Variants in PDE3A observed in about 807,000 individuals in gnomAD.
The protein encoded by PDE3A is phosphodiesterase 3A.
A neutral mutation model predicts 98.3 loss-of-function variants in PDE3A; 43 were observed. The ratio of observed to expected loss-of-function variants is 0.44; its 90% CI spans 0.34 to 0.56. The LOEUF is 0.56. PDE3A is among the 20% of genes least tolerant of loss of function. PDE3A has a pLI of 0.01. For synonymous variants in PDE3A, 663 were observed against 567.9 expected (o/e 1.17, Z -2.38); for missense variants, 1,427 against 1,440.7 (o/e 0.99, Z 0.15).
intron 1 of PDE3A, among the ~76,000 whole-genome samples, chr12:20,420,189 G>A (rs1944488559): frequency 1.3e-5 from 2 of 152,072 alleles, no homozygotes; most frequent in South Asian, 2.1e-4. Context: ...TTTCCAAAGG[G>A]CTTGGGTATC....
chr12:20,426,239 T>C (rs1944599698), intron 1 of PDE3A, among the ~76,000 whole-genome samples: 1 of 152,298 alleles, frequency 6.6e-6, no homozygotes, highest in Admixed American at 6.5e-5. Flanking sequence ...TGCTTGTTAC[T>C]AGAGCTCATG....
chr12:20,374,549 A>G (rs1943536896), intron 1 of PDE3A, among the ~76,000 whole-genome samples: 1 of 152,018 alleles, frequency 6.6e-6, no homozygotes, highest in Non-Finnish European at 1.5e-5. Flanking sequence ...AAAAACATTC[A>G]TTCTATCTGC....
At chr12:20,382,082 C>G (rs1324094065) in intron 1 of PDE3A, among the ~76,000 whole-genome samples, 1 of 151,734 alleles carries the variant, frequency 6.6e-6, no homozygotes, top group Admixed American at 6.6e-5. Flanking sequence ...TATTGTAGTT[C>G]TCAAAATTTA....
intron 1 of PDE3A, among the ~76,000 whole-genome samples, chr12:20,453,543 AAG>A (rs1321679702): frequency 6.6e-6 from 1 of 152,170 alleles, no homozygotes; most frequent in Non-Finnish European, 1.5e-5. Flanking sequence ...AAACAATGGA[AAG>A]AGAGAACGAT....
intron 15 of PDE3A, among the ~76,000 whole-genome samples, chr12:20,668,677 T>G (rs1945388224): frequency 6.7e-6 from 1 of 149,990 alleles, no homozygotes; most frequent in Non-Finnish European, 1.5e-5. Context: ...AGAAAGGACA[T>G]CCACACCAAA....
At chr12:20,646,133 C>T (rs1944770128) in intron 10 of PDE3A, among the ~76,000 whole-genome samples, 1 of 152,164 alleles carries the variant, frequency 6.6e-6, no homozygotes, top group Admixed American at 6.5e-5. Flanking sequence ...CATTTATTCT[C>T]ATTCTCTGCA....
rs185442972 is a variant in PDE3A at position 20,406,806 on chromosome 12, T to G, written c.960+36562T>G. Among the ~76,000 whole-genome samples, 14 of 152,288 alleles carry G rather than the reference T, an allele frequency of 9.2e-5. No homozygotes were observed. The East Asian group carries it at 2.7e-3, about 29-fold the overall frequency. On this transcript the variant is annotated intron_variant, in intron 1 of 15. Transcript: ENST00000359062. ...CAATACGAACGTCTTTTTCTGTGTTTTATTAGAGGAGTCTTATGGCTTCAG... is the reference window on the plus strand; with the variant it reads ...CAATACGAACGTCTTTTTCTGTGTTGTATTAGAGGAGTCTTATGGCTTCAG...
chr12:20,564,504 A>G (rs1942608569), intron 2 of PDE3A, among the ~76,000 whole-genome samples: 2 of 152,134 alleles, frequency 1.3e-5, no homozygotes, highest in African/African-American at 4.8e-5. Context: ...GAGTGGAATT[A>G]TGTCCAAGAA....
At chr12:20,451,375 G>T (rs1945061437) in intron 1 of PDE3A, among the ~76,000 whole-genome samples, 1 of 152,156 alleles carries the variant, frequency 6.6e-6, no homozygotes, top group Non-Finnish European at 1.5e-5. Flanking sequence ...CTGGGTACAA[G>T]CAATTCTCCT....
At chr12:20,421,612 A>C (rs1944513024) in intron 1 of PDE3A, among the ~76,000 whole-genome samples, 1 of 151,312 alleles carries the variant, frequency 6.6e-6, no homozygotes, top group Admixed American at 6.6e-5. Flanking sequence ...AAAAAAAAAA[A>C]AAACCACCCA....
At chr12:20,500,979 G>C (rs963058529) in intron 1 of PDE3A, among the ~76,000 whole-genome samples, 6 of 152,142 alleles carry the variant, frequency 3.9e-5, no homozygotes, top group African/African-American at 1.4e-4. Context: ...TGTTGCCCAG[G>C]CTGGCCCTGA....
chr12:20,483,250 G>A (rs561644957), intron 1 of PDE3A, among the ~76,000 whole-genome samples: 50 of 152,182 alleles, frequency 3.3e-4, no homozygotes, highest in Admixed American at 1.6e-3. Context: ...TTAGCTGGGC[G>A]TGGTGGTGGG....
At chr12:20,668,747 G>GA (rs1456461507) in intron 15 of PDE3A, among the ~76,000 whole-genome samples, 3 of 150,966 alleles carry the variant, frequency 2.0e-5, no homozygotes, top group African/African-American at 7.4e-5. Flanking sequence ...CAAAGATGGG[G>GA]AAAAAACAGA....
At chr12:20,460,761 T>A (rs1200273544) in intron 1 of PDE3A, among the ~76,000 whole-genome samples, 1 of 152,112 alleles carries the variant, frequency 6.6e-6, no homozygotes. Flanking sequence ...AGTTCATCAG[T>A]TTAAGTAGGG....
chr12:20,511,924 T>C (rs1946232142), intron 1 of PDE3A, among the ~76,000 whole-genome samples: 1 of 152,050 alleles, frequency 6.6e-6, no homozygotes, highest in African/African-American at 2.4e-5. Flanking sequence ...GGTTGTCTCC[T>C]CAAAAATCCA....
intron 1 of PDE3A, among the ~76,000 whole-genome samples, chr12:20,532,746 T>TG (rs1249834871): frequency 6.8e-6 from 1 of 147,754 alleles, no homozygotes; most frequent in African/African-American, 2.5e-5. Flanking sequence ...TGGAGTGCAG[T>TG]GGCGCGATCT....
intron 12 of PDE3A, among the ~76,000 whole-genome samples, chr12:20,648,319 TTTC>T (rs1307559570): frequency 2.7e-5 from 4 of 150,342 alleles, no homozygotes; most frequent in East Asian, 1.9e-4. Flanking sequence ...ATATAATTTT[TTTC>T]TTTTTTCTTT....
At chr12:20,443,439 AT>A (rs898720158) in intron 1 of PDE3A, among the ~76,000 whole-genome samples, 7 of 151,234 alleles carry the variant, frequency 4.6e-5, no homozygotes, top group East Asian at 1.9e-4. Flanking sequence ...GTAATACCTC[AT>A]TTTTTTTTAG....
chr12:20,601,028 A>G (rs1943579103), intron 2 of PDE3A, among the ~76,000 whole-genome samples: 1 of 152,222 alleles, frequency 6.6e-6, no homozygotes, highest in African/African-American at 2.4e-5. Context: ...AGTACCAGAT[A>G]CCACACTGGG....
Sources: gnomAD v4.1 joint callset for allele counts (sites outside exome capture counted in the v4.1 genomes callset) on GRCh38, gnomAD v4.1.1 for gene constraint, MANE v1.5 for transcripts, NCBI Gene and HGNC (gene_info 2026-07-23, HGNC 2026-07-21) for gene names.